Variants in COQ8A observed in about 807,000 individuals in gnomAD.
COQ8A encodes atypical kinase COQ8A, mitochondrial.
In COQ8A, 51 loss-of-function variants were observed where a neutral mutation model predicts 65.0. The ratio of observed to expected loss-of-function variants is 0.78; its 90% CI spans 0.63 to 0.99. The LOEUF (loss-of-function observed/expected upper bound fraction) is 0.99. Among genes scored for constraint, COQ8A ranks in the 50% least tolerant of loss-of-function variants. The pLI, the probability that COQ8A is intolerant of heterozygous loss-of-function variation, is 0.00. For missense variants in COQ8A, 940 were observed against 875.0 expected (o/e 1.07, Z -0.94); for synonymous variants, 371 against 353.2 (o/e 1.05, Z -0.57).
At chr1:226,952,762 C>G (rs759885904) in intron 1 of COQ8A, among the ~76,000 whole-genome samples, 2 of 152,060 alleles carry the variant, frequency 1.3e-5, no homozygotes, top group African/African-American at 4.8e-5. Flanking sequence ...AGTTCATGTT[C>G]TTTGTAGAAT....
At chr1:226,985,923 C>T (rs1270712064) in intron 14 of COQ8A, among the ~76,000 whole-genome samples, 2 of 152,110 alleles carry the variant, frequency 1.3e-5, no homozygotes, top group African/African-American at 2.4e-5. Flanking sequence ...CTCTCTCCCG[C>T]CTCTTCCTTA....
chr1:226,950,717 G>T (rs533457396), intron 1 of COQ8A, among the ~76,000 whole-genome samples: 1 of 151,662 alleles, frequency 6.6e-6, no homozygotes, highest in East Asian at 1.9e-4. Context: ...CTGTGAAACT[G>T]GTTTCATTCA....
rs374014208 is a variant in COQ8A, at chr1:226,957,865, C to T, written c.-9-3512C>T. On this transcript the variant is annotated intron_variant, in intron 1 of 14. Coordinates refer to ENST00000366777, the MANE Select transcript of COQ8A (RefSeq NM_020247.5). ...CGTGTGCAGGTCAGGATCCCCGAGT[C>T]GGAGCCTTGTCTCCAGCATGAGTGA... Among the ~76,000 whole-genome samples the T allele has an allele frequency of 7.9e-5, 12 of 152,194 alleles. No homozygotes were observed. The South Asian group carries it at 1.0e-3, about 13-fold the overall frequency.
rs865909751 is a variant in COQ8A at position 226,978,746 on chromosome 1, T to C, written c.730+1223T>C. Among the ~76,000 whole-genome samples the C allele has an allele frequency of 6.2e-5, 4 of 64,184 alleles. 1 individual carries two copies. Among genetic ancestry groups the C allele is most frequent in the South Asian group, 5.5e-4 (1 of 1,810 alleles). The allele number at this position is 64,184 out of a possible 152,430, so 42.1% of individuals were successfully genotyped here. A position where few individuals can be genotyped will look rare whatever the true frequency, so the allele number is the denominator to read the frequency against. On this transcript the variant is annotated intron_variant, in intron 5 of 14. Transcript: ENST00000366777. ...CCCACCTCATACCTGCACACCTCCT[T>C]ACACACCCACCTCACACCCGCATAC...
intron 1 of COQ8A, among the ~76,000 whole-genome samples, chr1:226,953,075 G>C (rs1160093686): frequency 2.0e-5 from 3 of 152,114 alleles, no homozygotes; most frequent in African/African-American, 7.2e-5. Flanking sequence ...TGTCTCCCAG[G>C]CTGGAGTGCA....
intron 1 of COQ8A, among the ~76,000 whole-genome samples, chr1:226,944,090 G>A (rs1371974497): frequency 6.6e-6 from 1 of 152,094 alleles, no homozygotes; most frequent in Non-Finnish European, 1.5e-5. Context: ...GGAGCTGGGG[G>A]AGGAAGCTGA....
In COQ8A at chr1:226,985,322, C is replaced by T. The variant is rs763495627; in HGVS notation, c.1641C>T (p.Leu547=). The change falls in exon 14 of 15, where the codon CTC becomes CTT. Residue 547 remains leucine, a synonymous_variant. Coordinates refer to ENST00000366777, the MANE Select transcript of COQ8A (RefSeq NM_020247.5). ...CGAAATCCATAGAGATGAAGTTCCT[C>T]ACCGGCTACGAGGTCAAGGTGAGCA... ...VRAKSIEMKF[L]TGYEVKVMED... 3.7e-6 allele frequency: 6 copies of T among 1,613,720 alleles called. No homozygotes were observed. The highest frequency in any genetic ancestry group is 5.1e-6 in the Non-Finnish European group (6 of 1,180,022).
At chr1:226,968,483 T>C (rs933127301) in intron 4 of COQ8A, among the ~76,000 whole-genome samples, 11 of 152,250 alleles carry the variant, frequency 7.2e-5, no homozygotes, top group Admixed American at 3.9e-4. Flanking sequence ...ATGTGAAATA[T>C]ATAGCTTACT....
In COQ8A at chr1:226,978,700, C is replaced by T. The variant is rs1436975819; in HGVS notation, c.730+1177C>T. ...TACACACCCTCCACACACCTGCACA[C>T]CTCCTTACATCTTCCACACACCCAC... On this transcript the variant is annotated intron_variant, in intron 5 of 14. Coordinates refer to ENST00000366777, the MANE Select transcript of COQ8A (RefSeq NM_020247.5). 9.8e-5 allele frequency among the ~76,000 whole-genome samples: 9 copies of T among 91,626 alleles called. 4 individuals carry two copies. Among genetic ancestry groups the T allele is most frequent in the Non-Finnish European group, 2.5e-4 (8 of 32,368 alleles). 60.1% of individuals were successfully genotyped at this position (91,626 alleles called of 152,430 possible).
Position 226,984,929 on chromosome 1 carries a change from C to T in COQ8A, c.1560C>T (p.Asp520=), listed in dbSNP as rs1391323340. The T allele has an allele frequency of 1.3e-5, 21 of 1,613,964 alleles. No homozygotes were observed. The highest frequency in any genetic ancestry group is 1.7e-5 in the Non-Finnish European group (20 of 1,180,010). The change falls in exon 13 of 15, where the codon GAC becomes GAT. Residue 520 remains aspartate (D), a synonymous_variant. Transcript: ENST00000366777. Reference sequence around the variant, plus strand: ...GGGAATATGACAGATCCTTCACCGACCTCTACATTCAGGTAACTGGAGAGG... The same window carrying T: ...GGGAATATGACAGATCCTTCACCGATCTCTACATTCAGGTAACTGGAGAGG... ...ATREYDRSFT[D]LYIQIIRAAA... is the part of the protein sequence containing the mutation.
chr1:226,955,357 TCACTCTCCCTGGCTCC>T (rs1386174787), intron 1 of COQ8A, among the ~76,000 whole-genome samples: 21 of 146,230 alleles, frequency 1.4e-4, no homozygotes, highest in South Asian at 6.6e-4. Flanking sequence ...TTTTCCTGGT[TCACTCTCCCTGGCTCC>T]CACTCTCCCT....
chr1:226,982,353 A>G, intron 6 of COQ8A: 1 of 772,558 alleles, frequency 1.3e-6, no homozygotes, highest in African/African-American at 1.8e-5. Flanking sequence ...GCAGAGAGGA[A>G]AAATTGCTCT....
At chr1:226,964,914 T>G (rs1036780278) in intron 2 of COQ8A, 86 bp from the exon 3 acceptor site, 28 of 1,469,084 alleles carry the variant, frequency 1.9e-5, no homozygotes, top group African/African-American at 5.5e-5. Context: ...ATGCTGGTGG[T>G]GTGCTGTCCT....
Position 226,948,887 on chromosome 1 carries a change from G to A in COQ8A, c.-10+8488G>A, listed in dbSNP as rs573682140. Among the ~76,000 whole-genome samples, 710 of 152,298 alleles carry A rather than the reference G, an allele frequency of 4.7e-3. 4 individuals are homozygous for A. Among genetic ancestry groups the A allele is most frequent in the Non-Finnish European group, 7.9e-3 (536 of 68,028 alleles). ...GAATCAAGGGCCTGAATAGGAATACGTTCTTGAATTTATATGGTGCTTTAA... is the reference window on the plus strand; with the variant it reads ...GAATCAAGGGCCTGAATAGGAATACATTCTTGAATTTATATGGTGCTTTAA... On this transcript the variant is annotated intron_variant, in intron 1 of 14. Coordinates refer to ENST00000366777, the MANE Select transcript of COQ8A (RefSeq NM_020247.5).
intron 1 of COQ8A, among the ~76,000 whole-genome samples, chr1:226,953,523 G>A (rs1657515794): frequency 6.6e-6 from 1 of 152,244 alleles, no homozygotes; most frequent in African/African-American, 2.4e-5. Flanking sequence ...CCTGGAAGAT[G>A]TGCTCTTTGG....
rs376462712 is a variant in COQ8A, at chr1:226,977,490, G to A, written c.697G>A (p.Ala233Thr). 5.0e-4 allele frequency: 789 copies of A among 1,567,260 alleles called. 12 individuals are homozygous for A. In the South Asian group the frequency reaches 8.3e-3, roughly 17 times the overall value. Residue 233 changes from alanine to threonine, a missense_variant, in exon 5 of 15, where the codon GCC becomes ACC. Coordinates refer to ENST00000366777, the MANE Select transcript of COQ8A (RefSeq NM_020247.5). ...GGGCTTCGGGGCACTGGCAGAGGTC[G>A]CCAAGAAGAGCCTGCGCTCCGAGGA... The part of the protein sequence containing the change: ...GLGFGALAEV[A>T]KKSLRSEDPS...
chr1:226,969,303 C>CT (rs1360380572), intron 4 of COQ8A, among the ~76,000 whole-genome samples: 14 of 151,618 alleles, frequency 9.2e-5, no homozygotes, highest in South Asian at 8.4e-4. Flanking sequence ...ATTCAGAATT[C>CT]TTTTTTTTTG....
rs1164032441 is a variant in COQ8A, at chr1:226,985,440, G to A, written c.1659+100G>A. The A allele has an allele frequency of 2.9e-6, 4 of 1,374,160 alleles. No homozygotes were observed. In the Admixed American group the frequency reaches 5.2e-5, roughly 18 times the overall value. The allele number at this position is 1,374,160 out of a possible 1,614,324, so 85.1% of individuals were successfully genotyped here. A position where few individuals can be genotyped will look rare whatever the true frequency, so the allele number is the denominator to read the frequency against. ...CACAGGGGGCAGCTGCCCTCAAGGG[G>A]CCCCCAGAGCCCGGGCCTCCTTGGG... is the stretch of plus-strand genomic sequence containing the variant. On this transcript the variant is annotated intron_variant, in intron 14 of 14. Coordinates refer to ENST00000366777, the MANE Select transcript of COQ8A (RefSeq NM_020247.5).
In COQ8A at chr1:226,982,108, G is replaced by A. The variant is rs765859566; in HGVS notation, c.812G>A (p.Arg271His). The change falls in exon 6 of 15, where the codon CGT becomes CAT. Residue 271 changes from arginine (R) to histidine (H), a missense_variant. Coordinates refer to ENST00000366777, the MANE Select transcript of COQ8A (RefSeq NM_020247.5). ...ERIVRTLCKV[R>H]GAALKLGQML... ...ATCGTGCGCACGCTCTGCAAGGTGC[G>A]TGGTGCGGCACTCAAGCTGGGCCAG... The A allele has an allele frequency of 1.7e-5, 28 of 1,609,896 alleles. No homozygotes were observed. Among genetic ancestry groups the A allele is most frequent in the African/African-American group, 4.0e-5 (3 of 74,812 alleles).
Sources: allele counts gnomAD v4.1 joint callset (sites outside exome capture counted in the v4.1 genomes callset), GRCh38; gene constraint gnomAD v4.1.1; transcripts MANE v1.5; gene names NCBI Gene and HGNC (gene_info 2026-07-23, HGNC 2026-07-21).